Variants in NAV3 observed in about 807,000 individuals in gnomAD.
NAV3 encodes the protein pore membrane and/or filament interacting like protein 1.
NAV3 carries 87 observed loss-of-function variants against 244.7 expected under a neutral mutation model. That is an observed-to-expected ratio of 0.36 (90% CI 0.30 to 0.42). The LOEUF is 0.42. NAV3 is among the 20% of genes least tolerant of loss of function. NAV3 has a pLI of 1.00. For missense variants in NAV3, 2,663 were observed against 2,893.3 expected, an observed-to-expected ratio of 0.92 and a Z score of 1.83; for synonymous variants, 1,126 against 1,042.2, an observed-to-expected ratio of 1.08 and a Z score of -1.55.
intron 2 of NAV3, among the ~76,000 whole-genome samples, chr12:77,818,326 T>G (rs936523910): frequency 3.9e-5 from 6 of 152,160 alleles, no homozygotes; most frequent in Admixed American, 2.6e-4. Context: ...TCCTAGAATG[T>G]ACATGCATTA....
At chr12:77,630,706 G>T (rs1296537216) in intron 2 of NAV3, among the ~76,000 whole-genome samples, 1 of 152,064 alleles carries the variant, frequency 6.6e-6, no homozygotes, top group Non-Finnish European at 1.5e-5. Flanking sequence ...AAGGCTTTAG[G>T]CTCCAGTATG....
intron 2 of NAV3, among the ~76,000 whole-genome samples, chr12:77,586,852 A>G (rs986261074): frequency 2.6e-5 from 4 of 152,212 alleles, no homozygotes; most frequent in Non-Finnish European, 5.9e-5. Context: ...CCGTGCGGAA[A>G]GTTCAATAGG....
intron 1 of NAV3, among the ~76,000 whole-genome samples, chr12:77,900,906 C>CT (rs2136915006): frequency 6.6e-6 from 1 of 152,198 alleles, no homozygotes; most frequent in African/African-American, 2.4e-5. Context: ...AGTTTGTTGA[C>CT]TTTTTCATAA....
chr12:77,683,810 A>T (rs1275932959), intron 2 of NAV3, among the ~76,000 whole-genome samples: 1 of 152,028 alleles, frequency 6.6e-6, no homozygotes, highest in Non-Finnish European at 1.5e-5. Context: ...GTTCCATTGT[A>T]TGCATATGTT....
chr12:77,590,095 G>A (rs1869836884), intron 2 of NAV3, among the ~76,000 whole-genome samples: 1 of 152,262 alleles, frequency 6.6e-6, no homozygotes, highest in Non-Finnish European at 1.5e-5. Flanking sequence ...ACCTCTAAAA[G>A]GAAGAAAAAG....
chr12:77,936,284 T>A (rs935130687), intron 1 of NAV3, among the ~76,000 whole-genome samples: 1 of 152,208 alleles, frequency 6.6e-6, no homozygotes, highest in Non-Finnish European at 1.5e-5. Flanking sequence ...CATGCAATTG[T>A]ACTAGAATTT....
rs1880487056 is a variant in NAV3, at chr12:78,039,496, C to G, written c.2024-10497C>G. 3.9e-5 allele frequency among the ~76,000 whole-genome samples: 6 copies of G among 152,216 alleles called. No individual in the cohort carries two copies. In the South Asian group the frequency reaches 1.2e-3, roughly 32 times the overall value. ...GGAGTTTAAAAATTTTCATCCAAAT[C>G]ACTACTAGGGCCATCCACAAAACTA... On this transcript the variant is annotated intron_variant, in intron 9 of 39. Coordinates refer to ENST00000397909, the MANE Select transcript of NAV3 (RefSeq NM_001024383.2).
chr12:77,940,284 C>T (rs371063791), intron 1 of NAV3, 35 bp from the exon 2 acceptor site: 2 of 1,473,922 alleles, frequency 1.4e-6, no homozygotes, highest in Non-Finnish European at 1.9e-6. Flanking sequence ...TTTTCCCTCA[C>T]CCCATCTCAC....
At chr12:77,663,291 T>C (rs1873553028) in intron 2 of NAV3, among the ~76,000 whole-genome samples, 1 of 152,194 alleles carries the variant, frequency 6.6e-6, no homozygotes, top group Admixed American at 6.6e-5. Context: ...CTGACTACTA[T>C]GTGAGGTATA....
At chr12:78,204,113 C>T (rs1193707513) in intron 38 of NAV3, among the ~76,000 whole-genome samples, 1 of 151,056 alleles carries the variant, frequency 6.6e-6, no homozygotes, top group Non-Finnish European at 1.5e-5. Context: ...AGAGTTTTTC[C>T]AAACACCGCA....
chr12:78,008,474 C>A (rs1874636180), intron 8 of NAV3, among the ~76,000 whole-genome samples: 1 of 151,922 alleles, frequency 6.6e-6, no homozygotes, highest in South Asian at 2.1e-4. Context: ...GCCTGGGGAG[C>A]AATAATGTCT....
At chr12:77,980,061 G>A (rs1322588459) in intron 5 of NAV3, among the ~76,000 whole-genome samples, 1 of 152,150 alleles carries the variant, frequency 6.6e-6, no homozygotes, top group Non-Finnish European at 1.5e-5. Flanking sequence ...GGAAGCAGGT[G>A]GTCAGTTAAG....
chr12:78,138,252 G>A (rs997220607), intron 19 of NAV3, among the ~76,000 whole-genome samples: 1 of 152,012 alleles, frequency 6.6e-6, no homozygotes, highest in African/African-American at 2.4e-5. Flanking sequence ...ATTTACTTGT[G>A]GTATAAACTT....
chr12:78,127,479 C>T (rs1210081470), intron 17 of NAV3, among the ~76,000 whole-genome samples: 1 of 151,946 alleles, frequency 6.6e-6, no homozygotes, highest in Admixed American at 6.6e-5. Flanking sequence ...AACAAACAAA[C>T]AAAACAAAAA....
intron 2 of NAV3, among the ~76,000 whole-genome samples, chr12:77,723,800 G>T (rs1280643757): frequency 1.8e-5 from 2 of 111,382 alleles, no homozygotes; most frequent in African/African-American, 3.4e-5. Context: ...TATTATAATA[G>T]GTCCCATTAA....
rs1016102106 is a variant in NAV3 at position 78,115,318 on chromosome 12, C to G, written c.2637-1454C>G. ...GTATCTTTACAGCAGTGCCCCACTC[C>G]TGGCACCAATTTACTGTATTAGTTT... On this transcript the variant is annotated intron_variant, in intron 12 of 39. Transcript: ENST00000397909. 2.0e-5 allele frequency among the ~76,000 whole-genome samples: 3 copies of G among 152,148 alleles called. No individual in the cohort carries two copies. The East Asian group carries it at 5.8e-4, about 29-fold the overall frequency.
At chr12:78,055,383 A>G (rs1883341143) in intron 11 of NAV3, among the ~76,000 whole-genome samples, 1 of 152,178 alleles carries the variant, frequency 6.6e-6, no homozygotes, top group African/African-American at 2.4e-5. Context: ...TGTACTCAGG[A>G]GCACTTTATA....
At chr12:77,830,531 T>C (rs968542248), upstream of NAV3, among the ~76,000 whole-genome samples, 4 of 152,234 alleles carry the variant, frequency 2.6e-5, no homozygotes, top group Admixed American at 6.5e-5. Flanking sequence ...AATCATGACT[T>C]ATTAAATTTG....
Position 77,656,177 on chromosome 12 carries a change from G to A in NAV3, c.72+83911G>A, listed in dbSNP as rs185543838. On this transcript the variant is annotated intron_variant, in intron 2 of 8. Transcript: ENST00000550042. Reference sequence around the variant, plus strand: ...CACAGACTGGCAAATTGGATAAAGAGTCAAGACGCATCAGTGTGTTGTATT... The same window carrying A: ...CACAGACTGGCAAATTGGATAAAGAATCAAGACGCATCAGTGTGTTGTATT... 1.3e-4 allele frequency among the ~76,000 whole-genome samples: 19 copies of A among 147,604 alleles called. No homozygotes were observed. The East Asian group carries it at 1.4e-3, about 11-fold the overall frequency.
Sources: allele counts gnomAD v4.1 joint callset (sites outside exome capture counted in the v4.1 genomes callset), GRCh38; gene constraint gnomAD v4.1.1; transcripts MANE v1.5; gene names NCBI Gene and HGNC (gene_info 2026-07-23, HGNC 2026-07-21).